The following PAN3 variants were observed in gnomAD, a reference collection of about 807,000 sequenced individuals.
PAN3 encodes the protein PAN2-PAN3 deadenylation complex subunit PAN3.
Under a neutral mutation model 96.2 loss-of-function variants are expected in PAN3, and 19 were observed. The ratio of observed to expected loss-of-function variants is 0.20; its 90% CI spans 0.14 to 0.29. The LOEUF is 0.29. Ranked by LOEUF, PAN3 falls within the 10% of genes least tolerant of loss-of-function variation. The pLI is 1.00. For synonymous variants in PAN3, 433 were observed against 406.6 expected (o/e 1.06, Z -0.78); for missense variants, 882 against 1,108.1 (o/e 0.80, Z 2.90).
chr13:28,153,942 G>C (rs145361710), intron 1 of PAN3, among the ~76,000 whole-genome samples: 256 of 152,252 alleles, frequency 1.7e-3, no homozygotes, highest in African/African-American at 6.0e-3. Flanking sequence ...CGCATTACTA[G>C]AAAACAATAA....
chr13:28,138,844 G>C lies in PAN3; in HGVS notation c.187G>C (p.Glu63Gln), dbSNP rs1869163635. 1 of 1,424,384 alleles carries C rather than the reference G, an allele frequency of 7.0e-7. No individual in the cohort carries two copies. Among genetic ancestry groups the C allele is most frequent in the African/African-American group, 1.5e-5 (1 of 67,078 alleles). The allele number at this position is 1,424,384 out of a possible 1,614,324, so 88.2% of individuals were successfully genotyped here. ...AKDKTCFYGE[E>Q]CQFLHEDPAA... Reference sequence around the variant, plus strand: ...GGATAAGACTTGCTTCTACGGGGAGGAGTGTCAGTTCCTGCATGAGGACCC... The same window carrying C: ...GGATAAGACTTGCTTCTACGGGGAGCAGTGTCAGTTCCTGCATGAGGACCC... Residue 63 changes from glutamate (E) to glutamine (Q), a missense_variant, in exon 1 of 19, where the codon GAG (glutamate) becomes CAG (glutamine). By Grantham distance (29) the Glu-to-Gln change is conservative (BLOSUM62 2). This residue lies in a region of PAN3 where 442 missense variants were observed against 422.8 expected (regional missense o/e 1.05). Transcript: ENST00000380958.
At chr13:28,246,365 A>G (rs987404801) in intron 6 of PAN3, among the ~76,000 whole-genome samples, 4 of 152,154 alleles carry the variant, frequency 2.6e-5, no homozygotes, top group Non-Finnish European at 5.9e-5. Context: ...TTGTTTTGAT[A>G]CATGCATACA....
chr13:28,270,642 G>A (rs1886536572), intron 12 of PAN3, 59 bp from the exon 13 acceptor site: 3 of 1,542,840 alleles, frequency 1.9e-6, no homozygotes, highest in East Asian at 2.3e-5. Context: ...TGATGTTAAT[G>A]CTTTAGTCTT....
chr13:28,237,431 C>T (rs1883215156), intron 6 of PAN3, among the ~76,000 whole-genome samples: 1 of 151,972 alleles, frequency 6.6e-6, no homozygotes, highest in African/African-American at 2.4e-5. Context: ...TCATTTCTGC[C>T]CCTAGAGAAC....
chr13:28,139,326 G>A (rs1334825100), intron 1 of PAN3, among the ~76,000 whole-genome samples: 1 of 149,222 alleles, frequency 6.7e-6, no homozygotes, highest in Non-Finnish European at 1.5e-5. Context: ...GTGGGTGGGA[G>A]GACTGGGGTG....
intron 5 of PAN3, chr13:28,215,205 G>T: frequency 1.4e-6 from 1 of 711,596 alleles, no homozygotes; most frequent in Non-Finnish European, 2.6e-6. Flanking sequence ...ACTGCTTGAG[G>T]CTCTGGACTG....
In PAN3 at chr13:28,293,416, T is replaced by TTTTTTG. The variant is rs1870004639; in HGVS notation, c.*894_*895insTTTTTG. On this transcript the variant is annotated 3_prime_UTR_variant, in exon 19 of 19. Coordinates refer to ENST00000380958, the MANE Select transcript of PAN3 (RefSeq NM_175854.8). The stretch of plus-strand genomic sequence containing the variant: ...TTTTTTTTTTTTTTTTTTTTTTTTT[T>TTTTTTG]GGGCGGGGGGGAGGTTTATGAAGTT... The TTTTTTG allele has an allele frequency of 1.4e-5, 1 of 69,030 alleles. No homozygotes were observed. Among genetic ancestry groups the TTTTTTG allele is most frequent in the Non-Finnish European group, 2.9e-5 (1 of 34,164 alleles). 4.3% of individuals were successfully genotyped at this position (69,030 alleles called of 1,614,324 possible).
chr13:28,153,619 A>T (rs984949932), intron 1 of PAN3, among the ~76,000 whole-genome samples: 3 of 152,206 alleles, frequency 2.0e-5, no homozygotes, highest in Non-Finnish European at 4.4e-5. Flanking sequence ...CTGTGGTGGC[A>T]TGATGGGAAA....
chr13:28,175,569 T>C (rs1488682511), intron 2 of PAN3, among the ~76,000 whole-genome samples: 1 of 152,218 alleles, frequency 6.6e-6, no homozygotes, highest in Non-Finnish European at 1.5e-5. Context: ...GTGTTTATAC[T>C]TCAAGTTGGA....
At chr13:28,244,751 CT>C (rs1593548785) in intron 6 of PAN3, among the ~76,000 whole-genome samples, 1 of 8,790 alleles carries the variant, frequency 1.1e-4, no homozygotes, top group South Asian at 6.4e-3. Flanking sequence ...AATTGTTTTT[CT>C]TTTCTTCAGT....
intron 17 of PAN3, among the ~76,000 whole-genome samples, chr13:28,284,060 T>A (rs768337497): frequency 2.6e-5 from 4 of 152,254 alleles, no homozygotes; most frequent in Non-Finnish European, 4.4e-5. Flanking sequence ...CAATTGTGAT[T>A]GCTAGGTCAG....
intron 6 of PAN3, among the ~76,000 whole-genome samples, chr13:28,245,574 A>T (rs1173527062): frequency 6.6e-6 from 1 of 152,178 alleles, no homozygotes; most frequent in Non-Finnish European, 1.5e-5. Context: ...GTAATTCAGT[A>T]GGTTTTAATA....
intron 4 of PAN3, among the ~76,000 whole-genome samples, chr13:28,196,582 T>G (rs1255955025): frequency 1.3e-5 from 2 of 152,002 alleles, no homozygotes; most frequent in East Asian, 1.9e-4. Context: ...TTTTTTTTTT[T>G]CATTGAATAC....
rs1291429469 is a variant in PAN3 at position 28,266,589 on chromosome 13, A to G, written c.1412-126A>G. ...TGGAATTGTAATAAATGTTTACACT[A>G]TTCTAAAATACAAGAGCACATTGTG... On this transcript the variant is annotated intron_variant, in intron 9 of 18. Transcript: ENST00000380958. 7.5e-6 allele frequency: 5 copies of G among 668,250 alleles called. 1 individual carries two copies. The highest frequency in any genetic ancestry group is 5.6e-4 in the Middle Eastern group (2 of 3,602). The allele number at this position is 668,250 out of a possible 1,614,324, so 41.4% of individuals were successfully genotyped here.
intron 1 of PAN3, among the ~76,000 whole-genome samples, chr13:28,144,405 C>T (rs1032413046): frequency 5.9e-5 from 9 of 151,456 alleles, no homozygotes; most frequent in Non-Finnish European, 1.0e-4. Flanking sequence ...TTAGTAGAGA[C>T]GGGGTTTCAC....
chr13:28,262,681 T>C (rs1278539600), intron 9 of PAN3, among the ~76,000 whole-genome samples: 3 of 149,806 alleles, frequency 2.0e-5, no homozygotes, highest in African/African-American at 7.3e-5. Flanking sequence ...CTATAAATCA[T>C]GTGACTGCAG....
At chr13:28,175,594 T>C (rs9805154) in intron 2 of PAN3, among the ~76,000 whole-genome samples, 26,784 of 152,148 alleles carry the variant, frequency 0.18, 4,617 homozygotes, top group African/African-American at 0.45. Context: ...TTTTAAGGGT[T>C]TGTATGAAAC....
At chr13:28,283,342 C>A (rs369161284) in intron 17 of PAN3, among the ~76,000 whole-genome samples, 4 of 152,236 alleles carry the variant, frequency 2.6e-5, no homozygotes, top group African/African-American at 9.6e-5. Flanking sequence ...AGTCACTGTG[C>A]CCAGCCAGGA....
At chr13:28,185,047 T>G (rs1876282423) in intron 4 of PAN3, among the ~76,000 whole-genome samples, 1 of 152,180 alleles carries the variant, frequency 6.6e-6, no homozygotes, top group African/African-American at 2.4e-5. Flanking sequence ...AAATCTCTGC[T>G]CTAATGAGTT....
Sources: gnomAD v4.1 joint callset for allele counts (sites outside exome capture counted in the v4.1 genomes callset) on GRCh38, gnomAD v4.1.1 for gene constraint, gnomAD v4.1.1 regional missense constraint, MANE v1.5 for transcripts, NCBI Gene and HGNC (gene_info 2026-07-23, HGNC 2026-07-21) for gene names.